The following MTO1 variants were observed in gnomAD, a reference collection of about 807,000 sequenced individuals.
MTO1 encodes the protein mitochondrial tRNA translation optimization 1, also known as 5-taurinomethyluridine-[tRNA] synthase subunit MTO1, mitochondrial.
In MTO1, 46 loss-of-function variants were observed where a neutral mutation model predicts 71.6. That is an observed-to-expected ratio of 0.64 (90% confidence interval 0.51 to 0.82). MTO1 has a LOEUF of 0.82. MTO1 is among the 40% of genes least tolerant of loss of function. The pLI, the probability that MTO1 is intolerant of heterozygous loss-of-function variation, is 0.00. For missense variants in MTO1, 773 were observed against 867.5 expected (o/e 0.89, Z 1.37); for synonymous variants, 297 against 312.1 (o/e 0.95, Z 0.51).
At chr6:73,475,389 TCTC>T (rs1771283500) in intron 4 of MTO1, among the ~76,000 whole-genome samples, 1 of 152,004 alleles carries the variant, frequency 6.6e-6, no homozygotes. Flanking sequence ...TTCAAGCAAT[TCTC>T]CTGCCTCAGC....
intron 1 of MTO1, chr6:73,462,467 T>C (rs558889554): frequency 1.1e-5 from 2 of 182,606 alleles, no homozygotes; most frequent in Non-Finnish European, 2.3e-5. Flanking sequence ...AGTGGCTCAC[T>C]TCTTTAATCC....
chr6:73,470,353 C>T (rs1313079047), intron 3 of MTO1, among the ~76,000 whole-genome samples: 4 of 151,918 alleles, frequency 2.6e-5, no homozygotes, highest in East Asian at 1.9e-4. Flanking sequence ...ACTACAGGCA[C>T]GTGCCACCAT....
chr6:73,462,187 C>T (rs1347862226), intron 1 of MTO1, 116 bp downstream of exon 1: 31 of 1,175,826 alleles, frequency 2.6e-5, no homozygotes, highest in Admixed American at 4.3e-5. Flanking sequence ...AGAATCCTAC[C>T]TTCTGTGGTT....
At chr6:73,481,544 A>C (rs1228824115) in intron 7 of MTO1, among the ~76,000 whole-genome samples, 1 of 152,044 alleles carries the variant, frequency 6.6e-6, no homozygotes, top group Admixed American at 6.6e-5. Context: ...AGGAGAGAGA[A>C]TTGCTTGAGC....
chr6:73,487,011 G>GGAT (rs138833634), intron 9 of MTO1, among the ~76,000 whole-genome samples: 1,603 of 152,096 alleles, frequency 0.011, 24 homozygotes, highest in African/African-American at 0.036. Context: ...ACATGTAACA[G>GGAT]GATTTTATTC....
rs765369955 is a variant in MTO1, at chr6:73,482,625, G to A, written c.1637+5G>A. 2 of 1,587,604 alleles carry A rather than the reference G, an allele frequency of 1.3e-6. No individual in the cohort carries two copies. The highest frequency in any genetic ancestry group is 1.1e-5 in the South Asian group (1 of 87,270). On this transcript the variant is annotated splice_donor_5th_base_variant and intron_variant, in intron 9 of 11. Transcript: ENST00000498286. ...TAGTAGAAGTCTGCCTGTCAGGTAT[G>A]CATTTTTAATATAGACCTTTCTCAC...
Position 73,461,806 on chromosome 6 carries a change from T to C in MTO1, c.-49T>C, listed in dbSNP as rs527406124. ...TTGTCTCTTGTTGCGTAAGTTTTTT[T>C]GACCGTCACTCGTGTCAGCTTCAAA... is the stretch of plus-strand genomic sequence containing the variant. On this transcript the variant is annotated 5_prime_UTR_variant, in exon 1 of 12. Transcript: ENST00000498286. The C allele has an allele frequency of 1.6e-4, 257 of 1,580,534 alleles. 2 individuals carry two copies. In the South Asian group the frequency reaches 2.8e-3, roughly 17 times the overall value.
At chr6:73,466,030 C>T (rs1017003739) in intron 1 of MTO1, among the ~76,000 whole-genome samples, 179 bp from the exon 2 acceptor site, 1 of 152,106 alleles carries the variant, frequency 6.6e-6, no homozygotes, top group Non-Finnish European at 1.5e-5. Context: ...ATCCAGGTTG[C>T]CCTGGACACT....
Position 73,502,488 on chromosome 6 carries a change from C to T in MTO1, c.*1753C>T, listed in dbSNP as rs1031982667. ...AGGTATTTTGTGTTTTTGTGCTACCCGTTCAGCAAAATAATGAAATTCATT... is the reference window on the plus strand; with the variant it reads ...AGGTATTTTGTGTTTTTGTGCTACCTGTTCAGCAAAATAATGAAATTCATT... On this transcript the variant is annotated 3_prime_UTR_variant, in exon 12 of 12. Transcript: ENST00000498286. 7.9e-5 allele frequency: 12 copies of T among 151,930 alleles called. No homozygotes were observed. The highest frequency in any genetic ancestry group is 2.2e-4 in the African/African-American group (9 of 41,376). The allele number at this position is 151,930 out of a possible 1,614,324, so 9.4% of individuals were successfully genotyped here. A position where few individuals can be genotyped will look rare whatever the true frequency, so the allele number is the denominator to read the frequency against.
chr6:73,488,475 T>C (rs1351214087), intron 9 of MTO1, among the ~76,000 whole-genome samples: 1 of 152,282 alleles, frequency 6.6e-6, no homozygotes, highest in East Asian at 1.9e-4. Flanking sequence ...CCTCGCCAGA[T>C]TTTTTTATTG....
In MTO1 at chr6:73,497,806, A is replaced by G. The variant is rs1554150837; in HGVS notation, c.1827A>G (p.Gln609=). ...IKGVQQDEAL[Q]LPKDLDYLTI... ...GAGTTCAGCAAGATGAAGCTCTCCA[A>G]CTGCCAAAAGACCTAGATTATTTGA... The change falls in exon 11 of 12, where the codon CAA becomes CAG. Residue 609 remains glutamine (Q), a synonymous_variant. Coordinates refer to ENST00000498286, the MANE Select transcript of MTO1 (RefSeq NM_012123.4). 8 of 1,613,946 alleles carry G rather than the reference A, an allele frequency of 5.0e-6. No individual in the cohort carries two copies. The highest frequency in any genetic ancestry group is 6.8e-6 in the Non-Finnish European group (8 of 1,179,854).
Position 73,507,361 on chromosome 6 carries a change from G to A in MTO1, c.*6626G>A, listed in dbSNP as rs187079041. The A allele has an allele frequency of 6.6e-6, 1 of 152,158 alleles. No individual in the cohort carries two copies. The highest frequency in any genetic ancestry group is 2.4e-5 in the African/African-American group (1 of 41,434). The allele number at this position is 152,158 out of a possible 1,614,324, so 9.4% of individuals were successfully genotyped here. Reference sequence around the variant, plus strand: ...ATAAATGAAAATGTTTCTTATTGTGGATCACAGTCAAAAGTTTGAAAAAAC... The same window carrying A: ...ATAAATGAAAATGTTTCTTATTGTGAATCACAGTCAAAAGTTTGAAAAAAC... On this transcript the variant is annotated 3_prime_UTR_variant, in exon 12 of 12. Coordinates refer to ENST00000498286, the MANE Select transcript of MTO1 (RefSeq NM_012123.4).
intron 9 of MTO1, among the ~76,000 whole-genome samples, chr6:73,485,582 G>C (rs1771629311): frequency 6.6e-6 from 1 of 152,106 alleles, no homozygotes; most frequent in African/African-American, 2.4e-5. Context: ...GGGCCTACAG[G>C]CGCTTGCCAC....
At chr6:73,473,342 T>C in intron 3 of MTO1, 23 bp from the exon 4 acceptor site, 1 of 1,584,242 alleles carries the variant, frequency 6.3e-7, no homozygotes, top group Non-Finnish European at 8.6e-7. Context: ...ATAATGACTT[T>C]ATTCTTTTTT....
chr6:73,486,784 T>C lies in MTO1; in HGVS notation c.1637+4164T>C, dbSNP rs116065164. 1,627 of 183,666 alleles carry C rather than the reference T, an allele frequency of 8.9e-3. 24 individuals are homozygous for C. The highest frequency in any genetic ancestry group is 0.037 in the African/African-American group (1,529 of 41,804). The allele number at this position is 183,666 out of a possible 1,614,324, so 11.4% of individuals were successfully genotyped here. ...ACAGTATGTGTTTTTGTGACTGGCT[T>C]ATTTCATGTAACATAATGTCCTCAC... On this transcript the variant is annotated intron_variant, in intron 9 of 11. Transcript: ENST00000498286.
At chr6:73,469,943 T>A (rs1387176529) in intron 3 of MTO1, among the ~76,000 whole-genome samples, 1 of 151,916 alleles carries the variant, frequency 6.6e-6, no homozygotes, top group Admixed American at 6.6e-5. Flanking sequence ...AGGTGCGGGT[T>A]GTGGTAAGCC....
intron 4 of MTO1, among the ~76,000 whole-genome samples, chr6:73,478,541 A>C (rs1771396617): frequency 6.6e-6 from 1 of 152,158 alleles, no homozygotes; most frequent in South Asian, 2.1e-4. Flanking sequence ...AAATTATGAT[A>C]ACCCTTTCTT....
chr6:73,488,919 A>AAACAACAAC (rs574365970), intron 9 of MTO1, among the ~76,000 whole-genome samples: 2 of 152,190 alleles, frequency 1.3e-5, no homozygotes, highest in South Asian at 4.2e-4. Flanking sequence ...TCCGTCTAAA[A>AAACAACAAC]AACAACAACA....
At chr6:73,474,825 G>A (rs1041580784) in intron 4 of MTO1, among the ~76,000 whole-genome samples, 1 of 150,800 alleles carries the variant, frequency 6.6e-6, no homozygotes, top group Non-Finnish European at 1.5e-5. Context: ...GCGCAATCTC[G>A]GCTTACTGCA....
Sources: allele counts gnomAD v4.1 joint callset (sites outside exome capture counted in the v4.1 genomes callset), GRCh38; gene constraint gnomAD v4.1.1; transcripts MANE v1.5; gene names NCBI Gene and HGNC (gene_info 2026-07-23, HGNC 2026-07-21).